Variants in CLMP observed in about 807,000 individuals in gnomAD.
The protein encoded by CLMP is CXADR-like membrane protein.
Under a neutral mutation model 45.2 loss-of-function variants are expected in CLMP, and 27 were observed. The observed-to-expected ratio is 0.60, with a 90% CI of 0.44 to 0.82. The LOEUF is 0.82. CLMP is among the 40% of genes least tolerant of loss of function. The pLI is 0.00. For missense variants in CLMP, 403 were observed against 448.4 expected (o/e 0.90, Z 0.91); for synonymous variants, 167 against 171.4 (o/e 0.97, Z 0.20).
Position 123,126,490 on chromosome 11 carries a change from C to T in CLMP, c.29-28538G>A, listed in dbSNP as rs118037412. The stretch of plus-strand genomic sequence containing the variant: ...CTCAGGCTGGTCTTGAACTCCTGGA[C>T]TCAAGAATGCTCCAGCCTCAGCGTT... On this transcript the variant is annotated intron_variant, in intron 1 of 6. Coordinates refer to ENST00000448775, the MANE Select transcript of CLMP (RefSeq NM_024769.5). 4.4e-3 allele frequency among the ~76,000 whole-genome samples: 667 copies of T among 152,234 alleles called. 11 individuals are homozygous for T. In the East Asian group the frequency reaches 0.053, roughly 12 times the overall value.
Position 123,195,012 on chromosome 11 carries a change from G to T in CLMP, c.-72C>A. 3 of 1,505,892 alleles carry T rather than the reference G, an allele frequency of 2.0e-6. No homozygotes were observed. The highest frequency in any genetic ancestry group is 2.7e-6 in the Non-Finnish European group (3 of 1,114,052). The allele number at this position is 1,505,892 out of a possible 1,614,324, so 93.3% of individuals were successfully genotyped here. The stretch of plus-strand genomic sequence containing the variant: ...TCCGGGGCGGCCGGGCGCCTCCGAC[G>T]GACCTCGGGCGAGCTGGGCGCGGCG... On this transcript the variant is annotated 5_prime_UTR_variant, in exon 1 of 7. Transcript: ENST00000448775.
intron 1 of CLMP, among the ~76,000 whole-genome samples, chr11:123,121,621 A>G (rs953167478): frequency 6.6e-6 from 1 of 151,982 alleles, no homozygotes; most frequent in Non-Finnish European, 1.5e-5. Flanking sequence ...AAAATCACAT[A>G]TCTGTCAGTG....
At chr11:123,136,560 A>ATTTTTTTTTTT (rs34074982) in intron 1 of CLMP, among the ~76,000 whole-genome samples, 3 of 85,856 alleles carry the variant, frequency 3.5e-5, no homozygotes, top group African/African-American at 5.4e-5. Context: ...CTTTTAAGTA[A>ATTTTTTTTTTT]TTTTTTTTTT....
intron 1 of CLMP, among the ~76,000 whole-genome samples, chr11:123,187,570 C>T (rs775755687): frequency 6.6e-6 from 1 of 152,156 alleles, no homozygotes; most frequent in Non-Finnish European, 1.5e-5. Context: ...AGAAAAATTC[C>T]TCTTTGGCTT....
intron 1 of CLMP, among the ~76,000 whole-genome samples, chr11:123,104,112 G>A (rs536961823): frequency 7.0e-6 from 1 of 142,074 alleles, no homozygotes; most frequent in Admixed American, 7.2e-5. Flanking sequence ...TTACAGGCCT[G>A]AGCCACCATG....
chr11:123,085,752 C>T (rs940404082), intron 2 of CLMP, among the ~76,000 whole-genome samples: 8 of 150,596 alleles, frequency 5.3e-5, no homozygotes, highest in African/African-American at 2.0e-4. Context: ...TTTCACTAAG[C>T]CGAACTAATT....
chr11:123,160,819 A>G (rs1209589222), intron 1 of CLMP, among the ~76,000 whole-genome samples: 1 of 151,960 alleles, frequency 6.6e-6, no homozygotes, highest in Non-Finnish European at 1.5e-5. Flanking sequence ...CTCTACTAAA[A>G]ATACAAAAAT....
At chr11:123,094,656 C>T (rs1281620991) in intron 2 of CLMP, among the ~76,000 whole-genome samples, 1 of 152,152 alleles carries the variant, frequency 6.6e-6, no homozygotes, top group African/African-American at 2.4e-5. Flanking sequence ...CTCAACCTCC[C>T]GAGTAGCTGG....
At chr11:123,156,109 A>T (rs1165357594) in intron 1 of CLMP, among the ~76,000 whole-genome samples, 3 of 152,166 alleles carry the variant, frequency 2.0e-5, no homozygotes, top group Admixed American at 6.5e-5. Context: ...TGATCCAATA[A>T]GATTACTGTC....
In CLMP at chr11:123,097,796, A is replaced by T. The variant is rs781743198; in HGVS notation, c.185T>A (p.Val62Glu). The T allele has an allele frequency of 2.5e-6, 4 of 1,586,242 alleles. No homozygotes were observed. In the Admixed American group the frequency reaches 7.1e-5, roughly 28 times the overall value. ...GACTCCAGCCAGGTGTCTACTTACC[A>T]CTTTTTGGTTCCCTTCATTATCGGT... ...LLTDNEGNQK[V>E]VITYSSRHVY... The change falls in exon 2 of 7, where the codon GTG (valine) becomes GAG (glutamate). Residue 62 changes from valine (V) to glutamate (E), a missense_variant and splice_region_variant. Val to Glu is a moderately radical substitution (Grantham distance 121). Coordinates refer to ENST00000448775, the MANE Select transcript of CLMP (RefSeq NM_024769.5).
rs181790246 is a variant in CLMP at position 123,174,650 on chromosome 11, T to A, written c.28+20263A>T. Among the ~76,000 whole-genome samples, 3 of 152,368 alleles carry A rather than the reference T, an allele frequency of 2.0e-5. No homozygotes were observed. In the East Asian group the frequency reaches 5.8e-4, roughly 29 times the overall value. Reference sequence around the variant, plus strand: ...TTTGCAATGGCTGACCTTGCTGGTCTATCCATCTTCTAAAGGCCCTTCTGT... The same window carrying A: ...TTTGCAATGGCTGACCTTGCTGGTCAATCCATCTTCTAAAGGCCCTTCTGT... On this transcript the variant is annotated intron_variant, in intron 1 of 6. Transcript: ENST00000448775.
intron 1 of CLMP, among the ~76,000 whole-genome samples, chr11:123,145,460 T>TG (rs1565396082): frequency 1.9e-4 from 10 of 52,010 alleles, no homozygotes; most frequent in African/African-American, 1.0e-3. Flanking sequence ...CTGTTTTTTT[T>TG]TTTTTTTTTT....
At chr11:123,153,121 G>A (rs11821710) in intron 1 of CLMP, among the ~76,000 whole-genome samples, 52,241 of 152,002 alleles carry the variant, frequency 0.34, 9,306 homozygotes, top group African/African-American at 0.43. Flanking sequence ...TTGACATTAC[G>A]GCATCTCTCT....
At position 123,097,797 on chromosome 11, in the gene CLMP, C is replaced by T. The variant is rs748588218; in HGVS notation, c.184G>A (p.Val62Met). ...LLTDNEGNQK[V>M]VITYSSRHVY... Reference sequence around the variant, plus strand: ...ACTCCAGCCAGGTGTCTACTTACCACTTTTTGGTTCCCTTCATTATCGGTG... The same window carrying T: ...ACTCCAGCCAGGTGTCTACTTACCATTTTTTGGTTCCCTTCATTATCGGTG... The change falls in exon 2 of 7, where the codon GTG (valine) becomes ATG (methionine). Residue 62 changes from valine to methionine, a missense_variant and splice_region_variant. Transcript: ENST00000448775. 2 of 1,587,918 alleles carry T rather than the reference C, an allele frequency of 1.3e-6. No homozygotes were observed. Among genetic ancestry groups the T allele is most frequent in the Non-Finnish European group, 1.7e-6 (2 of 1,165,878 alleles).
intron 1 of CLMP, among the ~76,000 whole-genome samples, chr11:123,145,433 T>C (rs1861222066): frequency 6.8e-6 from 1 of 147,090 alleles, no homozygotes; most frequent in African/African-American, 2.5e-5. Flanking sequence ...GCTCCATGAG[T>C]GGGTTCAGCT....
intron 1 of CLMP, among the ~76,000 whole-genome samples, chr11:123,141,121 C>T (rs974369987): frequency 4.6e-5 from 7 of 150,910 alleles, no homozygotes; most frequent in African/African-American, 1.5e-4. Flanking sequence ...GCCGGCAGAG[C>T]CATGAACCAA....
At chr11:123,126,239 C>T (rs1453359670) in intron 1 of CLMP, among the ~76,000 whole-genome samples, 1 of 152,168 alleles carries the variant, frequency 6.6e-6, no homozygotes, top group East Asian at 1.9e-4. Context: ...TTAAATTCCC[C>T]AGGCAGGGCC....
Position 123,134,832 on chromosome 11 carries a change from C to T in CLMP, c.29-36880G>A, listed in dbSNP as rs571694191. Among the ~76,000 whole-genome samples, 322 of 151,950 alleles carry T rather than the reference C, an allele frequency of 2.1e-3. 1 individual carries two copies. The highest frequency in any genetic ancestry group is 3.4e-3 in the Middle Eastern group (1 of 290). On this transcript the variant is annotated intron_variant, in intron 1 of 6. Coordinates refer to ENST00000448775, the MANE Select transcript of CLMP (RefSeq NM_024769.5). ...CAAAAAAAAAAAAATTGCTCTCTAG[C>T]ACGTGAGCTTGTCAGTGTGCCAGCA...
At chr11:123,141,645 C>G (rs988845443) in intron 1 of CLMP, among the ~76,000 whole-genome samples, 1 of 152,120 alleles carries the variant, frequency 6.6e-6, no homozygotes, top group African/African-American at 2.4e-5. Context: ...TCTTCCTAAG[C>G]CCAAATCAAG....
Sources: allele counts gnomAD v4.1 joint callset (sites outside exome capture counted in the v4.1 genomes callset), GRCh38; gene constraint gnomAD v4.1.1; transcripts MANE v1.5; gene names NCBI Gene and HGNC (gene_info 2026-07-23, HGNC 2026-07-21).